RSBN1L: variants seen among roughly 807,000 people sequenced by gnomAD.
The protein encoded by RSBN1L is round spermatid basic protein 1 like.
In RSBN1L, 30 loss-of-function variants were observed where a neutral mutation model predicts 67.7. The ratio of observed to expected loss-of-function variants is 0.44; its 90% CI spans 0.33 to 0.60. RSBN1L has a LOEUF of 0.60. Among genes scored for constraint, RSBN1L ranks in the 20% least tolerant of loss-of-function variants. The pLI is 0.02. For synonymous variants in RSBN1L, 433 were observed against 387.0 expected (o/e 1.12, Z -1.39); for missense variants, 992 against 1,031.7 (o/e 0.96, Z 0.53).
intron 3 of RSBN1L, among the ~76,000 whole-genome samples, chr7:77,750,296 GTTTTTT>G (rs36054297): frequency 0.01 from 581 of 57,486 alleles, 2 homozygotes; most frequent in African/African-American, 0.038. Context: ...AAGATTCTGT[GTTTTTT>G]TTTTTTTTTT....
intron 1 of RSBN1L, among the ~76,000 whole-genome samples, chr7:77,729,582 A>G (rs1722293704): frequency 1.3e-5 from 2 of 152,214 alleles, no homozygotes; most frequent in African/African-American, 4.8e-5. Context: ...GATACATATT[A>G]CACTGAAGCA....
At position 77,782,709 on chromosome 7, in the gene RSBN1L, TTTCTC is replaced by T. The variant is rs1458124926; in HGVS notation, c.*3542_*3546del. The T allele has an allele frequency of 1.3e-5, 2 of 152,078 alleles. No homozygotes were observed. Among genetic ancestry groups the T allele is most frequent in the Non-Finnish European group, 2.9e-5 (2 of 67,954 alleles). 9.4% of individuals were successfully genotyped at this position (152,078 alleles called of 1,614,324 possible). A position where few individuals can be genotyped will look rare whatever the true frequency, so the allele number is the denominator to read the frequency against. ...TTCATTTTTAATGCATTCTGTAACT[TTTCTC>T]GAGTGGTGGTCATTGAGGGTAGGGA... On this transcript the variant is annotated 3_prime_UTR_variant, in exon 8 of 8. Transcript: ENST00000334955.
At chr7:77,763,358 TAAATGG>T (rs1455451960) in intron 3 of RSBN1L, among the ~76,000 whole-genome samples, 1 of 152,166 alleles carries the variant, frequency 6.6e-6, no homozygotes, top group Non-Finnish European at 1.5e-5. Flanking sequence ...TTTCACTTTC[TAAATGG>T]TTATCGTCTC....
chr7:77,727,434 C>G (rs185958027), intron 1 of RSBN1L, among the ~76,000 whole-genome samples: 2 of 152,140 alleles, frequency 1.3e-5, no homozygotes, highest in African/African-American at 4.8e-5. Context: ...GCTCATACTA[C>G]TTTTTTTTAG....
intron 1 of RSBN1L, among the ~76,000 whole-genome samples, chr7:77,721,009 TG>T (rs149125272): frequency 0.019 from 2,933 of 152,194 alleles, 80 homozygotes; most frequent in African/African-American, 0.066. Context: ...GCCAAAGTGC[TG>T]GGATTACAGC....
At chr7:77,731,888 G>A (rs1326357810) in intron 1 of RSBN1L, among the ~76,000 whole-genome samples, 1 of 151,268 alleles carries the variant, frequency 6.6e-6, no homozygotes, top group Non-Finnish European at 1.5e-5. Context: ...TTCCAGTACC[G>A]TTTGTTGGAA....
At chr7:77,759,086 CT>C (rs1791662084) in intron 3 of RSBN1L, among the ~76,000 whole-genome samples, 1 of 152,208 alleles carries the variant, frequency 6.6e-6, no homozygotes. Context: ...TCTGATCTGA[CT>C]GTTAGACCTG....
At position 77,779,099 on chromosome 7, in the gene RSBN1L, A is replaced by C. The variant is rs372339500; in HGVS notation, c.2472A>C (p.Leu824=). Residue 824 remains leucine, a synonymous_variant, in exon 8 of 8, where the codon CTA becomes CTC. Coordinates refer to ENST00000334955, the MANE Select transcript of RSBN1L (RefSeq NM_198467.3). ...AATTGTGCCCTGGAAATCTAAGTCTAGTTGATACAAGGCAACACAGTTCAG... is the reference window on the plus strand; with the variant it reads ...AATTGTGCCCTGGAAATCTAAGTCTCGTTGATACAAGGCAACACAGTTCAG... The part of the protein sequence containing the change: ...KEELCPGNLS[L]VDTRQHSSAH... The C allele has an allele frequency of 6.6e-5, 106 of 1,613,160 alleles. 1 individual carries two copies. The Middle Eastern group carries it at 3.1e-3, about 48-fold the overall frequency.
At chr7:77,736,178 A>G (rs1417224498) in intron 1 of RSBN1L, among the ~76,000 whole-genome samples, 3 of 152,144 alleles carry the variant, frequency 2.0e-5, no homozygotes, top group Non-Finnish European at 4.4e-5. Flanking sequence ...AGTGAAGAAT[A>G]CTTAGAATAA....
At chr7:77,742,182 TACACACACACACACACACAC>T (rs1169498942) in intron 2 of RSBN1L, among the ~76,000 whole-genome samples, 5 of 80,294 alleles carry the variant, frequency 6.2e-5, no homozygotes, top group South Asian at 5.0e-4. Context: ...AAAAAAAAAA[TACACACACACACACACACAC>T]ACACACACAC....
At chr7:77,735,780 G>A (rs964019512) in intron 1 of RSBN1L, among the ~76,000 whole-genome samples, 1 of 149,884 alleles carries the variant, frequency 6.7e-6, no homozygotes, top group African/African-American at 2.5e-5. Flanking sequence ...CAAATATTTT[G>A]TTTGAAGTTT....
chr7:77,734,161 T>C (rs1791303417), intron 1 of RSBN1L, among the ~76,000 whole-genome samples: 1 of 152,170 alleles, frequency 6.6e-6, no homozygotes, highest in Non-Finnish European at 1.5e-5. Context: ...TATTTTAACC[T>C]GTATGATTAC....
In RSBN1L at chr7:77,778,704, T is replaced by C; in HGVS notation, c.2077T>C (p.Tyr693His). Residue 693 changes from tyrosine to histidine, a missense_variant, in exon 8 of 8, where the codon TAT (tyrosine) becomes CAT (histidine). Tyr to His is a moderately conservative substitution (Grantham distance 83, BLOSUM62 2). Coordinates refer to ENST00000334955, the MANE Select transcript of RSBN1L (RefSeq NM_198467.3). ...SLAWHIRLKL[Y>H]HSEEDTSQNT... Reference sequence around the variant, plus strand: ...AGCATGGCATATTCGGCTCAAATTATATCACTCAGAGGAGGACACTTCTCA... The same window carrying C: ...AGCATGGCATATTCGGCTCAAATTACATCACTCAGAGGAGGACACTTCTCA... 6.2e-7 allele frequency: 1 copy of C among 1,614,132 alleles called. No individual in the cohort carries two copies. Among genetic ancestry groups the C allele is most frequent in the East Asian group, 2.2e-5 (1 of 44,866 alleles).
chr7:77,696,902 C>CCCGCCG lies in RSBN1L; in HGVS notation c.444_449dup (p.Ala150_Ala151dup), dbSNP rs746380313. On this transcript the variant is annotated inframe_insertion, in exon 1 of 8. Coordinates refer to ENST00000334955, the MANE Select transcript of RSBN1L (RefSeq NM_198467.3). The stretch of plus-strand genomic sequence containing the variant: ...CGCTCAGCCTCACCATCTCCTCCTG[C>CCCGCCG]CCGCCGCCGCCGCCGCTGCCTCGGC... 5 of 1,604,004 alleles carry CCCGCCG rather than the reference C, an allele frequency of 3.1e-6. No individual in the cohort carries two copies. Among genetic ancestry groups the CCCGCCG allele is most frequent in the African/African-American group, 2.7e-5 (2 of 74,896 alleles).
At chr7:77,770,676 A>C (rs1584304523) in intron 5 of RSBN1L, among the ~76,000 whole-genome samples, 2 of 152,098 alleles carry the variant, frequency 1.3e-5, no homozygotes, top group Admixed American at 6.6e-5. Context: ...ACCAGAACCT[A>C]TCTCTTAAAA....
chr7:77,768,866 A>C, intron 5 of RSBN1L, 63 bp downstream of exon 5: 2 of 1,457,588 alleles, frequency 1.4e-6, no homozygotes, highest in Non-Finnish European at 1.9e-6. Flanking sequence ...TGTGTATGTT[A>C]GTTGAAAATT....
intron 3 of RSBN1L, among the ~76,000 whole-genome samples, chr7:77,759,932 C>T (rs1024017619): frequency 6.6e-6 from 1 of 152,158 alleles, no homozygotes; most frequent in African/African-American, 2.4e-5. Context: ...GTTTTCCAAA[C>T]TTAGTGGACT....
rs747123076 is a variant in RSBN1L at position 77,779,161 on chromosome 7, T to G, written c.2534T>G (p.Leu845Trp). Reference protein sequence around the residue: ...SNQDKKDDDILC With the variant: ...SNQDKKDDDIWC ...CAAGATAAAAAAGACGATGACATTTTGTGCTAAATTTGCATATACCATCTA... is the reference window on the plus strand; with the variant it reads ...CAAGATAAAAAAGACGATGACATTTGGTGCTAAATTTGCATATACCATCTA... Residue 845 changes from leucine to tryptophan, a missense_variant, in exon 8 of 8, where the codon TTG becomes TGG. Physicochemically the swap from Leu to Trp is moderately conservative, Grantham distance 61 (BLOSUM62 -2). Around this residue, in one of 7 missense-constraint regions of RSBN1L, gnomAD observed 199 missense variants for 167.7 expected, o/e 1.19. Transcript: ENST00000334955. 1.3e-6 allele frequency: 2 copies of G among 1,576,900 alleles called. No individual in the cohort carries two copies. The highest frequency in any genetic ancestry group is 2.4e-5 in the South Asian group (2 of 84,368).
chr7:77,704,387 A>G (rs1442080251), intron 1 of RSBN1L, among the ~76,000 whole-genome samples: 1 of 152,170 alleles, frequency 6.6e-6, no homozygotes, highest in African/African-American at 2.4e-5. Context: ...AAACATTTTT[A>G]TTTTTGAGTA....
Sources: allele counts gnomAD v4.1 joint callset (sites outside exome capture counted in the v4.1 genomes callset), GRCh38; gene constraint gnomAD v4.1.1; regional missense constraint gnomAD v4.1.1; transcripts MANE v1.5; gene names NCBI Gene and HGNC (gene_info 2026-07-23, HGNC 2026-07-21).